The following NRXN1 variants were observed in gnomAD, a reference collection of about 807,000 sequenced individuals.
The protein encoded by NRXN1 is neurexin 1.
Under a neutral mutation model 150.9 loss-of-function variants are expected in NRXN1, and 39 were observed. The observed-to-expected ratio is 0.26, with a 90% CI of 0.20 to 0.34. The LOEUF (loss-of-function observed/expected upper bound fraction) is 0.34, where lower values mean the gene tolerates loss of function less well. NRXN1 is among the 10% of genes least tolerant of loss of function. The pLI is 1.00. For synonymous variants in NRXN1, 924 were observed against 757.0 expected (o/e 1.22, Z -3.62); for missense variants, 1,815 against 1,949.9 (o/e 0.93, Z 1.30).
At chr2:50,273,204 G>C (rs2069943797) in intron 17 of NRXN1, among the ~76,000 whole-genome samples, 1 of 152,090 alleles carries the variant, frequency 6.6e-6, no homozygotes, top group African/African-American at 2.4e-5. Flanking sequence ...AAATACATTG[G>C]AGGAAAATTT....
At chr2:50,896,322 A>T (rs1681948371) in intron 5 of NRXN1, among the ~76,000 whole-genome samples, 1 of 152,230 alleles carries the variant, frequency 6.6e-6, no homozygotes, top group Admixed American at 6.5e-5. Context: ...TACTATGTGT[A>T]AGATACTGTC....
At chr2:50,628,996 G>T (rs1449621711) in intron 5 of NRXN1, among the ~76,000 whole-genome samples, 1 of 151,688 alleles carries the variant, frequency 6.6e-6, no homozygotes, top group Admixed American at 6.6e-5. Context: ...TCCAGTGTCA[G>T]TGAGGATGTG....
intron 2 of NRXN1, among the ~76,000 whole-genome samples, chr2:51,008,349 G>A (rs894903394): frequency 1.1e-4 from 17 of 152,030 alleles, no homozygotes; most frequent in Admixed American, 7.2e-4. Flanking sequence ...TGTGAGTGGC[G>A]ATGGTGAAGG....
At chr2:50,183,546 A>T (rs892663821) in intron 18 of NRXN1, among the ~76,000 whole-genome samples, 1 of 151,790 alleles carries the variant, frequency 6.6e-6, no homozygotes, top group Non-Finnish European at 1.5e-5. Context: ...ATATATTTTT[A>T]AATGTGGGAT....
chr2:50,170,643 T>C (rs1200192659), intron 18 of NRXN1, among the ~76,000 whole-genome samples: 1 of 152,128 alleles, frequency 6.6e-6, no homozygotes, highest in African/African-American at 2.4e-5. Flanking sequence ...TATATTTTCA[T>C]ATTTGGGATG....
chr2:50,411,052 G>C (rs60239863), intron 17 of NRXN1, among the ~76,000 whole-genome samples: 70,440 of 149,146 alleles, frequency 0.47, 17,917 homozygotes, highest in East Asian at 0.92. Flanking sequence ...CCCCCTCCCC[G>C]TCCCTCTCCC....
At chr2:50,214,070 G>GT (rs1259485943) in intron 18 of NRXN1, among the ~76,000 whole-genome samples, 1 of 152,004 alleles carries the variant, frequency 6.6e-6, no homozygotes, top group Non-Finnish European at 1.5e-5. Context: ...CAGTTTTAGA[G>GT]TTGTCAGTCT....
At chr2:50,866,812 C>T (rs908227145) in intron 5 of NRXN1, among the ~76,000 whole-genome samples, 8 of 151,864 alleles carry the variant, frequency 5.3e-5, no homozygotes, top group African/African-American at 1.9e-4. Flanking sequence ...TACAAGCACA[C>T]TTTCCTTAAG....
intron 5 of NRXN1, among the ~76,000 whole-genome samples, chr2:50,906,572 A>G (rs1428115776): frequency 6.6e-6 from 1 of 152,022 alleles, no homozygotes; most frequent in African/African-American, 2.4e-5. Context: ...GCATTTTTTA[A>G]ATCTGTTCTC....
In NRXN1 at chr2:51,000,244, G is replaced by A. The variant is rs570820091; in HGVS notation, c.772+27258C>T. Among the ~76,000 whole-genome samples, 16 of 151,976 alleles carry A rather than the reference G, an allele frequency of 1.1e-4. No homozygotes were observed. In the South Asian group the frequency reaches 1.9e-3, roughly 18 times the overall value. On this transcript the variant is annotated intron_variant, in intron 2 of 22. Coordinates refer to ENST00000401669, the MANE Select transcript of NRXN1 (RefSeq NM_001330078.2). Reference sequence around the variant, plus strand: ...CAGAAGACTGAATGTGTTCACCCTCGCTGAAATAGTAACCGCCCTTATCCA... The same window carrying A: ...CAGAAGACTGAATGTGTTCACCCTCACTGAAATAGTAACCGCCCTTATCCA...
At chr2:50,435,553 A>C (rs1162639970) in intron 17 of NRXN1, among the ~76,000 whole-genome samples, 5 of 152,166 alleles carry the variant, frequency 3.3e-5, no homozygotes, top group Admixed American at 3.3e-4. Context: ...CTTGATGGGC[A>C]TTTAGGTTTA....
chr2:50,930,311 T>C (rs1372735647), intron 2 of NRXN1, among the ~76,000 whole-genome samples: 3 of 152,068 alleles, frequency 2.0e-5, no homozygotes, highest in Non-Finnish European at 2.9e-5. Context: ...CCCCAAAATA[T>C]TTTGTTACAA....
chr2:51,020,221 C>T (rs1669380176), intron 2 of NRXN1, among the ~76,000 whole-genome samples: 1 of 151,612 alleles, frequency 6.6e-6, no homozygotes, highest in African/African-American at 2.4e-5. Flanking sequence ...TACCTTTATC[C>T]CAACCTCTAT....
chr2:50,855,761 T>C (rs1202492155), intron 5 of NRXN1, among the ~76,000 whole-genome samples: 1 of 152,066 alleles, frequency 6.6e-6, no homozygotes, highest in African/African-American at 2.4e-5. Context: ...ATTCATTGAA[T>C]ATCTTACTAT....
At chr2:50,139,850 C>T (rs1014166627) in intron 18 of NRXN1, among the ~76,000 whole-genome samples, 5 of 152,040 alleles carry the variant, frequency 3.3e-5, no homozygotes, top group Non-Finnish European at 5.9e-5. Flanking sequence ...ATTTATAATT[C>T]TGTTTGTTTT....
chr2:50,976,646 T>G (rs1463835870), intron 2 of NRXN1, among the ~76,000 whole-genome samples: 1 of 151,938 alleles, frequency 6.6e-6, no homozygotes, highest in Non-Finnish European at 1.5e-5. Context: ...ACCACCTCTG[T>G]AATGTTAGAA....
At chr2:50,117,986 T>C (rs1193232565) in intron 18 of NRXN1, among the ~76,000 whole-genome samples, 4 of 152,132 alleles carry the variant, frequency 2.6e-5, no homozygotes, top group Non-Finnish European at 5.9e-5. Flanking sequence ...TGGAAATAAA[T>C]TAAATAAAGA....
chr2:50,109,687 G>C (rs1702125459), intron 18 of NRXN1, among the ~76,000 whole-genome samples: 1 of 152,124 alleles, frequency 6.6e-6, no homozygotes, highest in Non-Finnish European at 1.5e-5. Context: ...TACTGCAGTA[G>C]AGACTGGTGA....
At chr2:50,146,486 T>C (rs1051394961) in intron 18 of NRXN1, among the ~76,000 whole-genome samples, 2 of 151,762 alleles carry the variant, frequency 1.3e-5, no homozygotes, top group African/African-American at 4.8e-5. Context: ...TGTTAGATTA[T>C]ATAGAGTAAT....
Sources: gnomAD v4.1 joint callset for allele counts (sites outside exome capture counted in the v4.1 genomes callset) on GRCh38, gnomAD v4.1.1 for gene constraint, MANE v1.5 for transcripts, NCBI Gene and HGNC (gene_info 2026-07-23, HGNC 2026-07-21) for gene names.